Variants in ANGPT1 observed in about 807,000 individuals in gnomAD.
ANGPT1 encodes the protein angiopoietin-1.
Under a neutral mutation model 62.2 loss-of-function variants are expected in ANGPT1, and 17 were observed. The observed-to-expected ratio is 0.27, with a 90% CI of 0.19 to 0.41. ANGPT1 has a LOEUF of 0.41. Among genes scored for constraint, ANGPT1 ranks in the 10% least tolerant of loss-of-function variants. The pLI, the probability that ANGPT1 is intolerant of heterozygous loss-of-function variation, is 1.00. For synonymous variants in ANGPT1, 199 were observed against 198.9 expected (o/e 1.00, Z 0.00); for missense variants, 478 against 594.9 (o/e 0.80, Z 2.04).
chr8:107,306,902 A>C (rs1463730269), intron 4 of ANGPT1, among the ~76,000 whole-genome samples: 1 of 151,974 alleles, frequency 6.6e-6, no homozygotes, highest in Non-Finnish European at 1.5e-5. Context: ...AATTAAAAAA[A>C]AAAGTCTGGA....
In ANGPT1 at chr8:107,497,293, A is replaced by C; in HGVS notation, c.266T>G (p.Val89Gly). The change falls in exon 1 of 9, where the codon GTG (valine) becomes GGG (glycine). Residue 89 changes from valine (V) to glycine (G), a missense_variant. Val to Gly is a moderately radical substitution (Grantham distance 109). Around this residue, in one of 4 missense-constraint regions of ANGPT1, gnomAD observed 343 missense variants for 355.4 expected, o/e 0.97. Coordinates refer to ENST00000517746, the MANE Select transcript of ANGPT1 (RefSeq NM_001146.5). ...SSQKLQHLEH[V>G]MENYTQWLQK... ...CAGCCACTGAGTATAATTTTCCATCACATGTTCCAGATGTTGAAGTTTCTG... is the reference window on the plus strand; with the variant it reads ...CAGCCACTGAGTATAATTTTCCATCCCATGTTCCAGATGTTGAAGTTTCTG... 6.2e-7 allele frequency: 1 copy of C among 1,614,204 alleles called. No homozygotes were observed. Among genetic ancestry groups the C allele is most frequent in the Non-Finnish European group, 8.5e-7 (1 of 1,180,026 alleles).
intron 1 of ANGPT1, among the ~76,000 whole-genome samples, chr8:107,371,580 T>C (rs1344499508): frequency 7.3e-6 from 1 of 136,838 alleles, no homozygotes; most frequent in Non-Finnish European, 1.6e-5. Context: ...ATTCTTTTTT[T>C]TTTTTTTTTT....
intron 1 of ANGPT1, among the ~76,000 whole-genome samples, chr8:107,353,459 T>C (rs1815975080): frequency 6.6e-6 from 1 of 152,142 alleles, no homozygotes; most frequent in Non-Finnish European, 1.5e-5. Context: ...TTGCTTTGCC[T>C]TTGCTGATTC....
At chr8:107,448,773 T>C (rs147508121) in intron 1 of ANGPT1, among the ~76,000 whole-genome samples, 24 of 152,286 alleles carry the variant, frequency 1.6e-4, no homozygotes, top group African/African-American at 5.3e-4. Flanking sequence ...TAAAACATTC[T>C]ATAGCGAGAA....
At chr8:107,478,826 T>C (rs1352344943) in intron 1 of ANGPT1, among the ~76,000 whole-genome samples, 1 of 152,160 alleles carries the variant, frequency 6.6e-6, no homozygotes, top group African/African-American at 2.4e-5. Context: ...TATGTGTGTA[T>C]AGAGTTGTGA....
At chr8:107,338,302 T>C (rs1009517107) in intron 2 of ANGPT1, among the ~76,000 whole-genome samples, 1 of 152,176 alleles carries the variant, frequency 6.6e-6, no homozygotes, top group Admixed American at 6.5e-5. Context: ...TAATGTAACA[T>C]TTTTAAAATT....
intron 1 of ANGPT1, among the ~76,000 whole-genome samples, chr8:107,447,954 T>C (rs1811663726): frequency 6.6e-6 from 1 of 152,244 alleles, no homozygotes. Flanking sequence ...CTGTTTCTTC[T>C]TTGGACTTAG....
chr8:107,300,756 G>C (rs979761580), intron 5 of ANGPT1, among the ~76,000 whole-genome samples: 2 of 151,816 alleles, frequency 1.3e-5, no homozygotes, highest in Non-Finnish European at 2.9e-5. Context: ...TGACATTTGT[G>C]AATATAATAT....
chr8:107,321,873 C>A (rs1352551923), intron 4 of ANGPT1, 23 bp downstream of exon 4: 1 of 1,594,810 alleles, frequency 6.3e-7, no homozygotes, highest in Non-Finnish European at 8.6e-7. Flanking sequence ...TTAACAATAC[C>A]AAAGTGAGGA....
rs149338729 is a variant in ANGPT1 at position 107,269,449 on chromosome 8, T to C, written c.1206-5098A>G. On this transcript the variant is annotated intron_variant, in intron 7 of 8. Transcript: ENST00000517746. Reference sequence around the variant, plus strand: ...TGGCTTTCTCTATGAAGCTAATAATTGTTCCAAATAGACTTTCAGTTTATC... The same window carrying C: ...TGGCTTTCTCTATGAAGCTAATAATCGTTCCAAATAGACTTTCAGTTTATC... Among the ~76,000 whole-genome samples, 323 of 152,204 alleles carry C rather than the reference T, an allele frequency of 2.1e-3. 1 individual carries two copies. Among genetic ancestry groups the C allele is most frequent in the African/African-American group, 7.1e-3 (296 of 41,534 alleles).
In ANGPT1 at chr8:107,370,319, GA is replaced by G. The variant is rs1346535841; in HGVS notation, c.298-23223del. On this transcript the variant is annotated intron_variant, in intron 1 of 8. Coordinates refer to ENST00000517746, the MANE Select transcript of ANGPT1 (RefSeq NM_001146.5). ...AAGAAGAAAGAAAGAAGGAAGGAAG[GA>G]AAGAGAAAGGAAAGAAAGAAAAAGA... 7.0e-3 allele frequency among the ~76,000 whole-genome samples: 379 copies of G among 54,470 alleles called. 80 individuals are homozygous for G. Among genetic ancestry groups the G allele is most frequent in the African/African-American group, 0.018 (361 of 20,472 alleles). The allele number at this position is 54,470 out of a possible 152,430, so 35.7% of individuals were successfully genotyped here.
At chr8:107,269,797 A>G (rs915458218) in intron 7 of ANGPT1, among the ~76,000 whole-genome samples, 5 of 152,090 alleles carry the variant, frequency 3.3e-5, no homozygotes, top group African/African-American at 1.2e-4. Context: ...ATTTATTCTC[A>G]TCCATGTATT....
rs568962472 is a variant in ANGPT1 at position 107,250,924 on chromosome 8, A to T, written c.*931T>A. On this transcript the variant is annotated 3_prime_UTR_variant, in exon 9 of 9. Coordinates refer to ENST00000517746, the MANE Select transcript of ANGPT1 (RefSeq NM_001146.5). ...GTACTTGCTTTTACTTCAACTTAAC[A>T]TACTCCAAAATATTGCTTTCCTGTA... 1 of 152,156 alleles carries T rather than the reference A, an allele frequency of 6.6e-6. No individual in the cohort carries two copies. Among genetic ancestry groups the T allele is most frequent in the African/African-American group, 2.4e-5 (1 of 41,456 alleles). 9.4% of individuals were successfully genotyped at this position (152,156 alleles called of 1,614,324 possible). A position where few individuals can be genotyped will look rare whatever the true frequency, so the allele number is the denominator to read the frequency against.
At chr8:107,400,976 A>C (rs1817036110) in intron 1 of ANGPT1, among the ~76,000 whole-genome samples, 1 of 152,096 alleles carries the variant, frequency 6.6e-6, no homozygotes. Flanking sequence ...CACCCCGCAC[A>C]CACCCCACAA....
At chr8:107,453,453 G>A (rs1308502957) in intron 1 of ANGPT1, among the ~76,000 whole-genome samples, 6 of 151,904 alleles carry the variant, frequency 3.9e-5, no homozygotes, top group African/African-American at 7.3e-5. Flanking sequence ...TACATGGATG[G>A]CAGCAGGCAA....
At chr8:107,358,709 C>A (rs1370606604) in intron 1 of ANGPT1, among the ~76,000 whole-genome samples, 1 of 152,192 alleles carries the variant, frequency 6.6e-6, no homozygotes, top group Admixed American at 6.5e-5. Context: ...TAGTCCCCAT[C>A]CCCAACAAGC....
At chr8:107,334,365 G>A (rs1271886838) in intron 3 of ANGPT1, among the ~76,000 whole-genome samples, 2 of 152,132 alleles carry the variant, frequency 1.3e-5, no homozygotes, top group African/African-American at 4.8e-5. Context: ...GAATATTAGA[G>A]AATATTTTAT....
chr8:107,476,033 C>T (rs927983000), intron 1 of ANGPT1, among the ~76,000 whole-genome samples: 1 of 152,152 alleles, frequency 6.6e-6, no homozygotes, highest in Non-Finnish European at 1.5e-5. Flanking sequence ...GTGGCAATTC[C>T]TCAAGGATCT....
Position 107,286,720 on chromosome 8 carries a change from T to G in ANGPT1, c.1039-1872A>C, listed in dbSNP as rs574131778. Among the ~76,000 whole-genome samples the G allele has an allele frequency of 7.2e-5, 11 of 152,282 alleles. No homozygotes were observed. In the South Asian group the frequency reaches 1.7e-3, roughly 23 times the overall value. ...TACTCTTCTGAAGACCATCCACCCA[T>G]AGCTCACAGTAAAGCTATAAGACCA... On this transcript the variant is annotated intron_variant, in intron 6 of 8. Transcript: ENST00000517746.
Sources: gnomAD v4.1 joint callset for allele counts (sites outside exome capture counted in the v4.1 genomes callset) on GRCh38, gnomAD v4.1.1 for gene constraint, gnomAD v4.1.1 regional missense constraint, MANE v1.5 for transcripts, NCBI Gene and HGNC (gene_info 2026-07-23, HGNC 2026-07-21) for gene names.